The following LZTFL1 variants were observed in gnomAD, a reference collection of about 807,000 sequenced individuals.
LZTFL1 encodes the protein leucine zipper transcription factor like 1.
LZTFL1 carries 25 observed loss-of-function variants against 45.9 expected under a neutral mutation model. The observed-to-expected ratio is 0.54, with a 90% CI of 0.40 to 0.76. LZTFL1 has a LOEUF of 0.76. Ranked by LOEUF, LZTFL1 falls within the 30% of genes least tolerant of loss-of-function variation. The pLI, the probability that LZTFL1 is intolerant of heterozygous loss-of-function variation, is 0.00. For synonymous variants in LZTFL1, 93 were observed against 117.4 expected (o/e 0.79, Z 1.35); for missense variants, 277 against 331.1 (o/e 0.84, Z 1.27).
At chr3:45,898,903 C>T (rs1702454888) in intron 2 of LZTFL1, among the ~76,000 whole-genome samples, 1 of 152,258 alleles carries the variant, frequency 6.6e-6, no homozygotes, top group East Asian at 1.9e-4. Flanking sequence ...CATGGTGGCT[C>T]ACGCCTGTAA....
intron 1 of LZTFL1, 85 bp downstream of exon 1, chr3:45,841,904 A>G (rs758130312): frequency 6.8e-5 from 105 of 1,536,244 alleles, no homozygotes; most frequent in Non-Finnish European, 8.9e-5. Flanking sequence ...CCACGTAATC[A>G]TTCCGGGCCC....
At position 45,842,026 on chromosome 3, in the gene LZTFL1, G is replaced by T. The variant is rs1369916916; in HGVS notation, c.-35C>A. Reference sequence around the variant, plus strand: ...CAGCGGCGGCAGCCTAAAGGAACGGGAGAGGCCAGGCGGTGCCCCGCCAAG... The same window carrying T: ...CAGCGGCGGCAGCCTAAAGGAACGGTAGAGGCCAGGCGGTGCCCCGCCAAG... On this transcript the variant is annotated 5_prime_UTR_variant, in exon 1 of 10. Transcript: ENST00000296135. 6.2e-7 allele frequency: 1 copy of T among 1,606,060 alleles called. No homozygotes were observed. The highest frequency in any genetic ancestry group is 1.1e-5 in the South Asian group (1 of 90,410).
intron 2 of LZTFL1, among the ~76,000 whole-genome samples, chr3:45,912,199 T>C (rs961932981): frequency 2.0e-5 from 3 of 152,216 alleles, no homozygotes; most frequent in African/African-American, 7.2e-5. Flanking sequence ...GATTGTTGCG[T>C]GTGTTTTTGC....
At chr3:45,886,965 G>A (rs559683997) in intron 2 of LZTFL1, among the ~76,000 whole-genome samples, 1 of 152,296 alleles carries the variant, frequency 6.6e-6, no homozygotes, top group South Asian at 2.1e-4. Flanking sequence ...GTGGCCAGGG[G>A]TAAAGGACAC....
At chr3:45,879,845 A>G (rs1701820166) in intron 2 of LZTFL1, among the ~76,000 whole-genome samples, 1 of 152,228 alleles carries the variant, frequency 6.6e-6, no homozygotes, top group African/African-American at 2.4e-5. Context: ...AAAAAACCCA[A>G]CATTATTAAC....
intron 2 of LZTFL1, among the ~76,000 whole-genome samples, chr3:45,836,374 G>T (rs1444139499): frequency 6.6e-6 from 1 of 152,096 alleles, no homozygotes; most frequent in Non-Finnish European, 1.5e-5. Flanking sequence ...TACTCTCAGG[G>T]CCAGGCATGG....
chr3:45,883,257 A>C (rs1214607480), intron 2 of LZTFL1, among the ~76,000 whole-genome samples: 1 of 152,226 alleles, frequency 6.6e-6, no homozygotes, highest in Non-Finnish European at 1.5e-5. Context: ...CTCTTTGCCC[A>C]TTATTCCCAA....
intron 2 of LZTFL1, among the ~76,000 whole-genome samples, chr3:45,887,965 G>A (rs1007462708): frequency 4.6e-5 from 7 of 152,228 alleles, no homozygotes; most frequent in African/African-American, 1.4e-4. Context: ...CCTGACTCAT[G>A]TTAGTATCTG....
intron 2 of LZTFL1, chr3:45,894,940 C>T: frequency 6.2e-7 from 1 of 1,614,070 alleles, no homozygotes; most frequent in Non-Finnish European, 8.5e-7. Context: ...CACCATGACA[C>T]CCACAGACTT....
chr3:45,856,508 C>A (rs1701395538), intron 3 of LZTFL1, among the ~76,000 whole-genome samples: 1 of 151,880 alleles, frequency 6.6e-6, no homozygotes. Flanking sequence ...TCAAAAGCAA[C>A]CACAACAAAA....
rs1700633675 is a variant in LZTFL1 at position 45,825,209 on chromosome 3, C to T, written c.*1105G>A. On this transcript the variant is annotated 3_prime_UTR_variant, in exon 10 of 10. Coordinates refer to ENST00000296135, the MANE Select transcript of LZTFL1 (RefSeq NM_020347.4). ...GTGTTCATTTAGGGTGTGATACTCT[C>T]ACTTTTAGAAGCAGGAAAAATTACT... 1 of 268,086 alleles carries T rather than the reference C, an allele frequency of 3.7e-6. No homozygotes were observed. The highest frequency in any genetic ancestry group is 6.9e-6 in the Non-Finnish European group (1 of 144,704). 16.6% of individuals were successfully genotyped at this position (268,086 alleles called of 1,614,324 possible).
At chr3:45,880,599 A>G (rs1701839460) in intron 2 of LZTFL1, among the ~76,000 whole-genome samples, 1 of 152,138 alleles carries the variant, frequency 6.6e-6, no homozygotes, top group African/African-American at 2.4e-5. Flanking sequence ...GCCCAGCCTC[A>G]AAGCCCAACA....
At chr3:45,841,917 C>T in intron 1 of LZTFL1, 72 bp downstream of exon 1, 3 of 1,571,408 alleles carry the variant, frequency 1.9e-6, no homozygotes, top group Non-Finnish European at 2.6e-6. Flanking sequence ...CCGGGCCCAC[C>T]CGCTCAGTGT....
chr3:45,890,269 A>ATATTT (rs1466215987), intron 2 of LZTFL1, among the ~76,000 whole-genome samples: 471 of 10,406 alleles, frequency 0.045, 61 homozygotes, highest in South Asian at 0.2. Flanking sequence ...ATATATATAT[A>ATATTT]ACATATATAT....
intron 2 of LZTFL1, among the ~76,000 whole-genome samples, chr3:45,899,685 A>G (rs1051691610): frequency 2.0e-5 from 3 of 152,148 alleles, no homozygotes; most frequent in Non-Finnish European, 4.4e-5. Context: ...AACTGGTGGG[A>G]AGTGAGAGCG....
chr3:45,909,094 T>C (rs1702738753), intron 2 of LZTFL1, among the ~76,000 whole-genome samples: 1 of 152,202 alleles, frequency 6.6e-6, no homozygotes, highest in South Asian at 2.1e-4. Context: ...TGCCTGGTGA[T>C]CTGTCACTGT....
At chr3:45,895,410 A>C (rs1196227042) in intron 2 of LZTFL1, among the ~76,000 whole-genome samples, 1 of 152,206 alleles carries the variant, frequency 6.6e-6, no homozygotes, top group Non-Finnish European at 1.5e-5. Context: ...CCAAGAGCTG[A>C]GCAAAAATTA....
chr3:45,873,885 T>A (rs1324723383), intron 2 of LZTFL1, among the ~76,000 whole-genome samples: 1 of 152,206 alleles, frequency 6.6e-6, no homozygotes, highest in Non-Finnish European at 1.5e-5. Context: ...TGCTCTAATC[T>A]AATATAACCT....
intron 2 of LZTFL1, among the ~76,000 whole-genome samples, chr3:45,907,898 T>C (rs1324284536): frequency 6.6e-6 from 1 of 152,154 alleles, no homozygotes; most frequent in Non-Finnish European, 1.5e-5. Flanking sequence ...TCTCTAGCAT[T>C]TGCATGATGT....
Sources: gnomAD v4.1 joint callset for allele counts (sites outside exome capture counted in the v4.1 genomes callset) on GRCh38, gnomAD v4.1.1 for gene constraint, MANE v1.5 for transcripts, NCBI Gene and HGNC (gene_info 2026-07-23, HGNC 2026-07-21) for gene names.